The following CFAP61 variants were observed in gnomAD, a reference collection of about 807,000 sequenced individuals.
The protein encoded by CFAP61 is cilia- and flagella-associated protein 61.
In CFAP61, 107 loss-of-function variants were observed where a neutral mutation model predicts 135.6. That is an observed-to-expected ratio of 0.79 (90% confidence interval 0.67 to 0.93). The LOEUF (loss-of-function observed/expected upper bound fraction) is 0.93, where lower values mean the gene tolerates loss of function less well. CFAP61 is among the 40% of genes least tolerant of loss of function. CFAP61 has a pLI of 0.00. For missense variants in CFAP61, 1,507 were observed against 1,556.2 expected, an observed-to-expected ratio of 0.97 and a Z score of 0.53; for synonymous variants, 575 against 578.5, an observed-to-expected ratio of 0.99 and a Z score of 0.09.
intron 25 of CFAP61, among the ~76,000 whole-genome samples, chr20:20,337,350 G>GGATAGA (rs2058247332): frequency 1.7e-4 from 1 of 6,028 alleles, no homozygotes; most frequent in Admixed American, 2.3e-3. Context: ...AGATGGGTGG[G>GGATAGA]TGGGTGGATG....
chr20:20,068,185 G>A (rs1157301415), intron 2 of CFAP61, among the ~76,000 whole-genome samples: 1 of 152,176 alleles, frequency 6.6e-6, no homozygotes, highest in African/African-American at 2.4e-5. Flanking sequence ...TGGTGGCTGC[G>A]CTGTCCCAAA....
intron 22 of CFAP61, 32 bp downstream of exon 22, chr20:20,277,490 G>A (rs201136059): frequency 1.3e-6 from 2 of 1,567,490 alleles, no homozygotes; most frequent in Non-Finnish European, 1.7e-6. Context: ...TCACTCACCA[G>A]CCAGGGACAG....
At chr20:20,314,768 TG>T (rs1191174302) in intron 25 of CFAP61, among the ~76,000 whole-genome samples, 1 of 133,468 alleles carries the variant, frequency 7.5e-6, no homozygotes. Context: ...TTCCCACCTA[TG>T]AGTGAGAATA....
intron 17 of CFAP61, among the ~76,000 whole-genome samples, chr20:20,207,370 C>A (rs1290170027): frequency 6.6e-6 from 1 of 152,178 alleles, no homozygotes; most frequent in Non-Finnish European, 1.5e-5. Flanking sequence ...GTTCTTGCCA[C>A]AACCCAGTAG....
chr20:20,056,348 A>G (rs2044335289), intron 1 of CFAP61, among the ~76,000 whole-genome samples: 1 of 152,188 alleles, frequency 6.6e-6, no homozygotes, highest in African/African-American at 2.4e-5. Flanking sequence ...TGTTTTTCCA[A>G]TTCTATTGTT....
chr20:20,179,416 T>C (rs1043432429), intron 13 of CFAP61, among the ~76,000 whole-genome samples: 1 of 152,202 alleles, frequency 6.6e-6, no homozygotes, highest in Non-Finnish European at 1.5e-5. Context: ...TCCATGGTCA[T>C]GGATAGAAAG....
At chr20:20,257,413 G>A (rs920854391) in intron 20 of CFAP61, among the ~76,000 whole-genome samples, 4 of 152,056 alleles carry the variant, frequency 2.6e-5, no homozygotes, top group Admixed American at 2.0e-4. Flanking sequence ...TCAGGAGTTC[G>A]AGACCAGCCT....
chr20:20,169,228 T>C (rs570425461), intron 12 of CFAP61, 93 bp from the exon 13 acceptor site: 1 of 1,220,418 alleles, frequency 8.2e-7, no homozygotes, highest in African/African-American at 1.5e-5. Context: ...CAACACATTT[T>C]GCTTCTATTT....
chr20:20,067,779 T>C (rs1285748668), intron 2 of CFAP61, among the ~76,000 whole-genome samples: 1 of 125,438 alleles, frequency 8.0e-6, no homozygotes, highest in Non-Finnish European at 1.8e-5. Flanking sequence ...GTATTTATTA[T>C]ATATATATAT....
intron 9 of CFAP61, among the ~76,000 whole-genome samples, chr20:20,154,408 G>A (rs2052709179): frequency 6.6e-6 from 1 of 151,910 alleles, no homozygotes; most frequent in Admixed American, 6.6e-5. Context: ...TAAAGAAGAG[G>A]CCAACTGTCG....
intron 2 of CFAP61, among the ~76,000 whole-genome samples, chr20:20,059,758 A>G (rs2044660067): frequency 6.6e-6 from 1 of 152,240 alleles, no homozygotes; most frequent in South Asian, 2.1e-4. Flanking sequence ...TCATAGACAC[A>G]GTTGAAGACA....
At chr20:20,178,192 C>A (rs2054779323) in intron 13 of CFAP61, among the ~76,000 whole-genome samples, 2 of 151,940 alleles carry the variant, frequency 1.3e-5, no homozygotes, top group African/African-American at 4.9e-5. Context: ...GGTTCCCTCT[C>A]CTTTTGTTTA....
chr20:20,190,378 C>T (rs1471918279), intron 14 of CFAP61, among the ~76,000 whole-genome samples: 3 of 152,114 alleles, frequency 2.0e-5, no homozygotes, highest in Non-Finnish European at 2.9e-5. Context: ...TATCCTCTAG[C>T]GTTCCATTTG....
chr20:20,205,274 C>T (rs1453367328), intron 17 of CFAP61, among the ~76,000 whole-genome samples: 1 of 152,108 alleles, frequency 6.6e-6, no homozygotes, highest in Non-Finnish European at 1.5e-5. Context: ...CTCATCTAGT[C>T]CTCTCATCAG....
At chr20:20,248,640 G>T (rs2050650047) in intron 19 of CFAP61, among the ~76,000 whole-genome samples, 2 of 152,196 alleles carry the variant, frequency 1.3e-5, no homozygotes, top group African/African-American at 4.8e-5. Flanking sequence ...AATTGTGATA[G>T]TCCTTTTTCT....
intron 21 of CFAP61, 94 bp from the exon 22 acceptor site, chr20:20,277,072 A>T (rs377521141): frequency 1.3e-5 from 12 of 953,518 alleles, no homozygotes; most frequent in Middle Eastern, 3.1e-4. Context: ...GAAAAATGAG[A>T]GGGTTATACG....
intron 25 of CFAP61, among the ~76,000 whole-genome samples, chr20:20,306,306 A>G (rs777521336): frequency 4.6e-5 from 7 of 152,236 alleles, no homozygotes; most frequent in Non-Finnish European, 8.8e-5. Context: ...TGCAAGAAGT[A>G]TGAACTTTGA....
chr20:20,128,675 G>A (rs1022818847), intron 8 of CFAP61, among the ~76,000 whole-genome samples: 4 of 151,720 alleles, frequency 2.6e-5, no homozygotes, highest in East Asian at 3.9e-4. Context: ...TTATCCATCC[G>A]AGTTGAAGCT....
At chr20:20,073,986 A>G (rs2045892430) in intron 3 of CFAP61, 2 of 327,440 alleles carry the variant, frequency 6.1e-6, no homozygotes, top group Non-Finnish European at 1.2e-5. Flanking sequence ...CTACTGAGTT[A>G]ATAATCGATT....
Sources: allele counts gnomAD v4.1 joint callset (sites outside exome capture counted in the v4.1 genomes callset), GRCh38; gene constraint gnomAD v4.1.1; transcripts MANE v1.5; gene names NCBI Gene and HGNC (gene_info 2026-07-23, HGNC 2026-07-21).